LPIN1: variants seen among roughly 807,000 people sequenced by gnomAD.
The protein encoded by LPIN1 is phosphatidate phosphatase LPIN1.
In LPIN1, 71 loss-of-function variants were observed where a neutral mutation model predicts 107.5. The ratio of observed to expected loss-of-function variants is 0.66; its 90% confidence interval spans 0.55 to 0.80. LPIN1 has a LOEUF of 0.80. LPIN1 is among the 30% of genes least tolerant of loss of function. The pLI, the probability that LPIN1 is intolerant of heterozygous loss-of-function variation, is 0.00. For missense variants in LPIN1, 1,043 were observed against 1,160.6 expected, an observed-to-expected ratio of 0.90 and a Z score of 1.47; for synonymous variants, 445 against 452.6, an observed-to-expected ratio of 0.98 and a Z score of 0.21.
intron 1 of LPIN1, among the ~76,000 whole-genome samples, chr2:11,747,106 T>TC (rs940456203): frequency 3.3e-5 from 5 of 152,136 alleles, no homozygotes; most frequent in African/African-American, 1.2e-4. Flanking sequence ...AGCCTTTCTT[T>TC]CCCCCGGAGT....
Position 11,774,428 on chromosome 2 carries a change from C to T in LPIN1, c.722+683C>T, listed in dbSNP as rs1672338461. On this transcript the variant is annotated intron_variant, in intron 5 of 20. Coordinates refer to ENST00000674199, the MANE Select transcript of LPIN1 (RefSeq NM_001349206.2). This position sits in a 1 kb window ranked among gnomAD's most constrained non-coding sequence, Gnocchi z 4.4. The stretch of plus-strand genomic sequence containing the variant: ...ATTCATTCTTGGGTGGTGACAAAAT[C>T]TTAGACGTTATAATGGTTTGTGGTC... Among the ~76,000 whole-genome samples, 1 of 152,144 alleles carries T rather than the reference C, an allele frequency of 6.6e-6. No homozygotes were observed. The highest frequency in any genetic ancestry group is 6.5e-5 in the Admixed American group (1 of 15,274).
chr2:11,731,336 G>A (rs1665192673), intron 1 of LPIN1, among the ~76,000 whole-genome samples: 1 of 151,530 alleles, frequency 6.6e-6, no homozygotes, highest in African/African-American at 2.4e-5. Context: ...TTTGTTTTCT[G>A]TTCCCGTGTT....
At chr2:11,759,143 T>TTCTC (rs756918390) in intron 1 of LPIN1, among the ~76,000 whole-genome samples, 1 of 131,366 alleles carries the variant, frequency 7.6e-6, no homozygotes, top group African/African-American at 2.9e-5. Context: ...TTTTCTTTCT[T>TTCTC]TCTTTCTTTC....
chr2:11,738,033 A>C (rs1438844916), intron 1 of LPIN1, among the ~76,000 whole-genome samples: 1 of 152,234 alleles, frequency 6.6e-6, no homozygotes, highest in South Asian at 2.1e-4. Flanking sequence ...TGGCACATAT[A>C]CACCATGGAA....
chr2:11,686,088 C>T (rs1025750126), intron 1 of LPIN1, among the ~76,000 whole-genome samples: 1 of 152,146 alleles, frequency 6.6e-6, no homozygotes, highest in South Asian at 2.1e-4. Context: ...GAATTTGGCC[C>T]CTACTTTCCA....
rs1671169620 is a variant in LPIN1 at position 11,767,811 on chromosome 2, G to C, written c.241G>C (p.Gly81Arg). ...GESVDLHMKL[G>R]DNGEAFFVQE... ...ATCTGTGGATTTGCATATGAAATTG[G>C]GAGATAATGGAGAAGCATTTTTTGT... Residue 81 changes from glycine to arginine, a missense_variant, in exon 3 of 21, where the codon GGA (glycine) becomes CGA (arginine). Gly to Arg is a moderately radical substitution (Grantham distance 125). Transcript: ENST00000674199. 1 of 1,613,130 alleles carries C rather than the reference G, an allele frequency of 6.2e-7. No individual in the cohort carries two copies. Among genetic ancestry groups the C allele is most frequent in the Non-Finnish European group, 8.5e-7 (1 of 1,179,176 alleles).
intron 4 of LPIN1, among the ~76,000 whole-genome samples, chr2:11,772,671 T>G (rs888420577): frequency 2.6e-5 from 4 of 152,200 alleles, no homozygotes. Context: ...CTTTTAACAG[T>G]GTGGTGAAAT....
intron 18 of LPIN1, chr2:11,816,303 G>A (rs1680561099): frequency 6.6e-6 from 1 of 152,206 alleles, no homozygotes; most frequent in African/African-American, 2.4e-5. Context: ...AGTCCTCAGA[G>A]CTATCATAAC....
Position 11,815,081 on chromosome 2 carries a change from C to T in LPIN1, c.2250-7C>T, listed in dbSNP as rs1680343511. ...GCCATGAAATGTGAATGTTTTATGT[C>T]TTTCAGGAATGGATATAAATTTCTC... On this transcript the variant is annotated splice_region_variant and splice_polypyrimidine_tract_variant and intron_variant, in intron 17 of 20. Coordinates refer to ENST00000674199, the MANE Select transcript of LPIN1 (RefSeq NM_001349206.2). 7 of 1,613,740 alleles carry T rather than the reference C, an allele frequency of 4.3e-6. No homozygotes were observed. Among genetic ancestry groups the T allele is most frequent in the Middle Eastern group, 1.6e-4 (1 of 6,084 alleles).
intron 13 of LPIN1, among the ~76,000 whole-genome samples, chr2:11,794,877 A>G (rs1173379297): frequency 6.6e-6 from 1 of 152,214 alleles, no homozygotes; most frequent in Non-Finnish European, 1.5e-5. Context: ...AAAGTTTGTA[A>G]GCAAGAGAAA....
At position 11,765,843 on chromosome 2, in the gene LPIN1, G is replaced by A. The variant is rs944919366; in HGVS notation, c.192+110G>A. ...CTCAGACCCAGAGTTTTAGGTCTTC[G>A]TTGGAAATGGCCAGTCACGGAACTG... On this transcript the variant is annotated intron_variant, in intron 2 of 20. Coordinates refer to ENST00000674199, the MANE Select transcript of LPIN1 (RefSeq NM_001349206.2). The surrounding 1 kb of genome is among the most constrained non-coding windows in gnomAD (Gnocchi z 4.4). 14 of 916,422 alleles carry A rather than the reference G, an allele frequency of 1.5e-5. No individual in the cohort carries two copies. Among genetic ancestry groups the A allele is most frequent in the Admixed American group, 2.7e-5 (1 of 36,780 alleles). 56.8% of individuals were successfully genotyped at this position (916,422 alleles called of 1,614,324 possible). A position where few individuals can be genotyped will look rare whatever the true frequency, so the allele number is the denominator to read the frequency against.
intron 1 of LPIN1, among the ~76,000 whole-genome samples, chr2:11,753,560 G>A (rs1220848860): frequency 6.6e-6 from 1 of 152,254 alleles, no homozygotes; most frequent in Non-Finnish European, 1.5e-5. Flanking sequence ...CTATAAGTGT[G>A]TGCCAGTTAC....
rs1227458621 is a variant in LPIN1, at chr2:11,784,633, G to T, written c.1359-253G>T. ...GGAAGGGCAGGGAACAGGGAGGACA[G>T]CTTGCTTCTTCTTCAGTATATTTTA... On this transcript the variant is annotated intron_variant, in intron 9 of 20. Coordinates refer to ENST00000674199, the MANE Select transcript of LPIN1 (RefSeq NM_001349206.2). The T allele has an allele frequency of 5.1e-5, 29 of 568,346 alleles. No individual in the cohort carries two copies. In the Admixed American group the frequency reaches 6.2e-4, roughly 12 times the overall value. The allele number at this position is 568,346 out of a possible 1,614,324, so 35.2% of individuals were successfully genotyped here.
At position 11,697,269 on chromosome 2, in the gene LPIN1, C is replaced by T. The variant is rs1244105983; in HGVS notation, c.82-16487C>T. Among the ~76,000 whole-genome samples, 1 of 152,244 alleles carries T rather than the reference C, an allele frequency of 6.6e-6. No individual in the cohort carries two copies. Among genetic ancestry groups the T allele is most frequent in the Non-Finnish European group, 1.5e-5 (1 of 68,032 alleles). ...GCCCCCAGCTGCTTCTGGATACAAC[C>T]GCACTACCCAGATGCTTCCTGGCCT... On this transcript the variant is annotated intron_variant, in intron 1 of 21. Transcript: ENST00000449576. This position sits in a 1 kb window ranked among gnomAD's most constrained non-coding sequence, Gnocchi z 4.6.
intron 10 of LPIN1, among the ~76,000 whole-genome samples, chr2:11,785,888 G>C (rs1190576192): frequency 6.6e-6 from 1 of 152,172 alleles, no homozygotes. Context: ...CCAGTCCCTT[G>C]AGAGCGGAAA....
At chr2:11,711,453 T>C (rs955754648) in intron 1 of LPIN1, among the ~76,000 whole-genome samples, 1 of 152,216 alleles carries the variant, frequency 6.6e-6, no homozygotes, top group African/African-American at 2.4e-5. Context: ...CACATCTGCC[T>C]TCTTTCCCTG....
intron 16 of LPIN1, 79 bp downstream of exon 16, chr2:11,804,650 C>A: frequency 6.9e-7 from 1 of 1,457,454 alleles, no homozygotes; most frequent in Non-Finnish European, 9.6e-7. Flanking sequence ...GTTGGCACCT[C>A]TGCTCTCCTC....
chr2:11,805,455 G>A (rs1214948911), intron 17 of LPIN1: 1 of 510,920 alleles, frequency 2.0e-6, no homozygotes, highest in African/African-American at 1.9e-5. Flanking sequence ...TTCATCCCGA[G>A]GGATGGCAGA....
intron 14 of LPIN1, among the ~76,000 whole-genome samples, chr2:11,796,591 C>G (rs1052688606): frequency 6.6e-6 from 1 of 152,158 alleles, no homozygotes; most frequent in Non-Finnish European, 1.5e-5. Flanking sequence ...CTCTTGAAAC[C>G]TTTCTGTTTC....
Sources: gnomAD v4.1 joint callset for allele counts (sites outside exome capture counted in the v4.1 genomes callset) on GRCh38, gnomAD v4.1.1 for gene constraint, Gnocchi (gnomAD v3.1) non-coding constraint, MANE v1.5 for transcripts, NCBI Gene and HGNC (gene_info 2026-07-23, HGNC 2026-07-21) for gene names.